The following DSE variants were observed in gnomAD, a reference collection of about 807,000 sequenced individuals.
The protein encoded by DSE is dermatan sulfate epimerase.
A neutral mutation model predicts 84.4 loss-of-function variants in DSE; 36 were observed. That is an observed-to-expected ratio of 0.43 (90% CI 0.33 to 0.56). The LOEUF is 0.56. DSE is among the 20% of genes least tolerant of loss of function. The pLI, the probability that DSE is intolerant of heterozygous loss-of-function variation, is 0.06. For synonymous variants in DSE, 410 were observed against 430.1 expected (o/e 0.95, Z 0.58); for missense variants, 862 against 1,169.6 (o/e 0.74, Z 3.84).
At chr6:116,379,729 T>G (rs1244265605) in intron 1 of DSE, among the ~76,000 whole-genome samples, 1 of 152,212 alleles carries the variant, frequency 6.6e-6, no homozygotes, top group Non-Finnish European at 1.5e-5. Flanking sequence ...AGACTTCATG[T>G]GGCTTGCATA....
intron 1 of DSE, among the ~76,000 whole-genome samples, chr6:116,385,927 G>A (rs549484510): frequency 6.6e-6 from 1 of 151,876 alleles, no homozygotes; most frequent in South Asian, 2.1e-4. Context: ...AGTAATAAAA[G>A]CACCACTCCA....
At chr6:116,282,233 A>G (rs1773586855) in intron 2 of DSE, among the ~76,000 whole-genome samples, 1 of 152,258 alleles carries the variant, frequency 6.6e-6, no homozygotes, top group Non-Finnish European at 1.5e-5. Flanking sequence ...TGGTGTAAAT[A>G]AAAAGGAATA....
At chr6:116,389,218 A>G (rs1037368751) in intron 1 of DSE, among the ~76,000 whole-genome samples, 1 of 152,144 alleles carries the variant, frequency 6.6e-6, no homozygotes, top group African/African-American at 2.4e-5. Context: ...CTTCACAGAA[A>G]CCCTATGAGG....
At chr6:116,263,901 T>C (rs1362510015) in intron 2 of DSE, among the ~76,000 whole-genome samples, 1 of 152,222 alleles carries the variant, frequency 6.6e-6, no homozygotes, top group East Asian at 1.9e-4. Context: ...GAAAATTCTT[T>C]TAAGAATGTT....
intron 2 of DSE, among the ~76,000 whole-genome samples, chr6:116,335,605 A>G (rs1412705055): frequency 6.6e-6 from 1 of 152,258 alleles, no homozygotes; most frequent in African/African-American, 2.4e-5. Context: ...TTTAGTTTGA[A>G]GATCTAATTG....
At chr6:116,329,385 A>T (rs1234747883) in intron 2 of DSE, among the ~76,000 whole-genome samples, 1 of 152,236 alleles carries the variant, frequency 6.6e-6, no homozygotes, top group Non-Finnish European at 1.5e-5. Context: ...GCTTTGGAGA[A>T]TTTTACCAAA....
chr6:116,279,032 GCTCCAGGT>G (rs1773309644), intron 2 of DSE: 1 of 1,613,508 alleles, frequency 6.2e-7, no homozygotes, highest in Admixed American at 1.7e-5. Flanking sequence ...TAGTTCCTCC[GCTCCAGGT>G]AGTGTCGACG....
At chr6:116,407,745 C>A (rs957254161) in intron 2 of DSE, among the ~76,000 whole-genome samples, 21 of 152,188 alleles carry the variant, frequency 1.4e-4, no homozygotes, top group African/African-American at 4.8e-4. Context: ...GTGAGCTCTT[C>A]AGGAAAAAGT....
intron 2 of DSE, among the ~76,000 whole-genome samples, chr6:116,271,866 T>C (rs1772891999): frequency 6.6e-6 from 1 of 152,094 alleles, no homozygotes; most frequent in Admixed American, 6.5e-5. Flanking sequence ...AATGCATAAA[T>C]CTTAAATATA....
intron 2 of DSE, chr6:116,399,884 GC>G (rs1224817068): frequency 3.7e-6 from 2 of 545,562 alleles, no homozygotes; most frequent in Non-Finnish European, 6.4e-6. Flanking sequence ...ATATTTAGAT[GC>G]AGCCTAATCT....
At chr6:116,395,232 T>C (rs1339839189) in intron 1 of DSE, among the ~76,000 whole-genome samples, 1 of 151,774 alleles carries the variant, frequency 6.6e-6, no homozygotes. Context: ...GAGACCATCC[T>C]GGCTAACAGG....
At chr6:116,417,298 A>C (rs1782777021) in intron 2 of DSE, among the ~76,000 whole-genome samples, 1 of 152,202 alleles carries the variant, frequency 6.6e-6, no homozygotes, top group Non-Finnish European at 1.5e-5. Context: ...TTGGGTAATA[A>C]CACTTCATGT....
At chr6:116,254,683 A>C (rs1167186904) in intron 1 of DSE, among the ~76,000 whole-genome samples, 1 of 152,262 alleles carries the variant, frequency 6.6e-6, no homozygotes, top group Admixed American at 6.5e-5. Flanking sequence ...CAAGTGGACA[A>C]TATTTCCTCT....
chr6:116,368,173 G>T (rs1302520137), upstream of DSE, among the ~76,000 whole-genome samples: 1 of 152,176 alleles, frequency 6.6e-6, no homozygotes, highest in Non-Finnish European at 1.5e-5. Context: ...CAGCTAAGGT[G>T]AGAGTGGGGA....
chr6:116,431,506 A>G (rs1562309592), intron 4 of DSE, among the ~76,000 whole-genome samples: 1 of 151,994 alleles, frequency 6.6e-6, no homozygotes, highest in Non-Finnish European at 1.5e-5. Context: ...CATCTTCATC[A>G]TTGCAAGCAA....
In DSE at chr6:116,279,370, TCCTCCGCCTCAG is replaced by T. The variant is rs1401289061; in HGVS notation, c.-54+20412_-54+20423del. On this transcript the variant is annotated intron_variant, in intron 2 of 3. Coordinates refer to the DSE transcript ENST00000430252. ...GGTGGCGCACTTTCCTGTCTTCACCTCCTCCGCCTCAGCCTCCGCCCCCGCCGTCAGCTCAGA... is the reference window on the plus strand; with the variant it reads ...GGTGGCGCACTTTCCTGTCTTCACCTCCTCCGCCCCCGCCGTCAGCTCAGA... 11 of 1,612,114 alleles carry T rather than the reference TCCTCCGCCTCAG, an allele frequency of 6.8e-6. No individual in the cohort carries two copies. The highest frequency in any genetic ancestry group is 1.6e-4 in the Middle Eastern group (1 of 6,084).
At chr6:116,392,557 T>C (rs1780976913) in intron 1 of DSE, among the ~76,000 whole-genome samples, 1 of 152,162 alleles carries the variant, frequency 6.6e-6, no homozygotes, top group South Asian at 2.1e-4. Flanking sequence ...GGATGTACAT[T>C]TCACTCTTGT....
intron 2 of DSE, among the ~76,000 whole-genome samples, chr6:116,408,473 T>C (rs999720205): frequency 4.6e-5 from 7 of 152,296 alleles, no homozygotes; most frequent in African/African-American, 1.2e-4. Context: ...GAATGAATAA[T>C]CTGTCTTATT....
At chr6:116,384,375 T>C (rs1194965563) in intron 1 of DSE, among the ~76,000 whole-genome samples, 1 of 152,140 alleles carries the variant, frequency 6.6e-6, no homozygotes, top group Non-Finnish European at 1.5e-5. Flanking sequence ...ATTCAGGCAG[T>C]GGTCTGCGAT....
Sources: gnomAD v4.1 joint callset for allele counts (sites outside exome capture counted in the v4.1 genomes callset) on GRCh38, gnomAD v4.1.1 for gene constraint, MANE v1.5 for transcripts, NCBI Gene and HGNC (gene_info 2026-07-23, HGNC 2026-07-21) for gene names.